Variants in UTRN observed in about 807,000 individuals in gnomAD.
UTRN encodes the protein dystrophin-related protein 1.
UTRN carries 283 observed loss-of-function variants against 463.9 expected under a neutral mutation model. The ratio of observed to expected loss-of-function variants is 0.61; its 90% CI spans 0.55 to 0.67. The LOEUF (loss-of-function observed/expected upper bound fraction) is 0.67. Among genes scored for constraint, UTRN ranks in the 30% least tolerant of loss-of-function variants. The pLI, the probability that UTRN is intolerant of heterozygous loss-of-function variation, is 0.00. For missense variants in UTRN, 3,922 were observed against 4,084.3 expected, an observed-to-expected ratio of 0.96 and a Z score of 1.08; for synonymous variants, 1,442 against 1,431.5, an observed-to-expected ratio of 1.01 and a Z score of -0.17.
intron 3 of UTRN, among the ~76,000 whole-genome samples, chr6:144,412,762 T>TACACACACACACACAC (rs149751810): frequency 6.9e-5 from 10 of 144,362 alleles, no homozygotes; most frequent in African/African-American, 2.3e-4. Flanking sequence ...ACACACACCA[T>TACACACACACACACAC]ACACACACAC....
chr6:144,773,796 C>G (rs992364580), intron 59 of UTRN, among the ~76,000 whole-genome samples: 3 of 152,208 alleles, frequency 2.0e-5, no homozygotes, highest in African/African-American at 7.2e-5. Context: ...ATACCTGTCA[C>G]AGGAGAATCT....
intron 11 of UTRN, among the ~76,000 whole-genome samples, chr6:144,438,038 G>A (rs530424358): frequency 5.3e-5 from 8 of 152,322 alleles, no homozygotes; most frequent in African/African-American, 1.9e-4. Flanking sequence ...GGCCAACGCG[G>A]ATGGATCACT....
intron 19 of UTRN, 108 bp downstream of exon 19, chr6:144,453,977 C>A: frequency 2.4e-6 from 2 of 844,082 alleles, no homozygotes; most frequent in Non-Finnish European, 1.8e-6. Flanking sequence ...CCTCTTTTGG[C>A]TAGATAAATG....
chr6:144,811,394 C>T (rs530536078), intron 65 of UTRN, among the ~76,000 whole-genome samples: 3 of 152,252 alleles, frequency 2.0e-5, no homozygotes, highest in South Asian at 2.1e-4. Flanking sequence ...CGCAGCATCA[C>T]GGCTGTTTCT....
rs1232597166 is a variant in UTRN at position 144,352,949 on chromosome 6, CT to C, written c.80-50167del. ...ATTTATGTTTCTTCTTCTTCTTTTT[CT>C]TTTTTTCTTTGAGACAGGGTCTTGC... On this transcript the variant is annotated intron_variant, in intron 2 of 74. Transcript: ENST00000367545. Among the ~76,000 whole-genome samples, 8 of 151,816 alleles carry C rather than the reference CT, an allele frequency of 5.3e-5. No homozygotes were observed. The East Asian group carries it at 1.2e-3, about 22-fold the overall frequency.
intron 2 of UTRN, among the ~76,000 whole-genome samples, chr6:144,351,203 A>T (rs899295066): frequency 3.3e-5 from 5 of 152,188 alleles, no homozygotes; most frequent in African/African-American, 1.2e-4. Flanking sequence ...TTTGAACATA[A>T]CTTGACAGAT....
At chr6:144,615,738 T>C (rs1159669203) in intron 51 of UTRN, among the ~76,000 whole-genome samples, 3 of 152,174 alleles carry the variant, frequency 2.0e-5, no homozygotes, top group African/African-American at 7.2e-5. Context: ...AGTAGCCATC[T>C]AAGTGTTGTT....
intron 54 of UTRN, among the ~76,000 whole-genome samples, chr6:144,742,325 G>A (rs768550859): frequency 2.0e-5 from 3 of 152,182 alleles, no homozygotes; most frequent in African/African-American, 7.2e-5. Flanking sequence ...GTTGTCATCA[G>A]TTATTGTACA....
chr6:144,758,778 G>A (rs748041561), intron 58 of UTRN, among the ~76,000 whole-genome samples: 27 of 152,074 alleles, frequency 1.8e-4, no homozygotes, highest in Non-Finnish European at 3.7e-4. Flanking sequence ...CTAGTGATGA[G>A]TCATAGTTGA....
chr6:144,617,057 C>T lies in UTRN; in HGVS notation c.7479+39769C>T, dbSNP rs928724141. On this transcript the variant is annotated intron_variant, in intron 51 of 74. Transcript: ENST00000367545. ...TTCAAGCAGAACTTGTGCCATAATA[C>T]TGTTATACTGTAGTTGGTTACATTC... is the stretch of plus-strand genomic sequence containing the variant. Among the ~76,000 whole-genome samples the T allele has an allele frequency of 2.6e-5, 4 of 152,224 alleles. 1 individual carries two copies. In the South Asian group the frequency reaches 8.3e-4, roughly 32 times the overall value.
At chr6:144,717,627 C>CTTTTTTTTTTTTTTTTT (rs1333769413) in intron 53 of UTRN, among the ~76,000 whole-genome samples, 22 of 112,676 alleles carry the variant, frequency 2.0e-4, no homozygotes, top group African/African-American at 7.0e-4. Context: ...TTTTTCTTTT[C>CTTTTTTTTTTTTTTTTT]TTTTTTCTTT....
At chr6:144,301,086 G>T (rs971278315) in intron 2 of UTRN, among the ~76,000 whole-genome samples, 2 of 151,964 alleles carry the variant, frequency 1.3e-5, no homozygotes, top group African/African-American at 4.8e-5. Flanking sequence ...ATAAAACTGT[G>T]TGTGTTCTAG....
chr6:144,406,986 C>A (rs1295912403), intron 3 of UTRN, among the ~76,000 whole-genome samples: 1 of 151,916 alleles, frequency 6.6e-6, no homozygotes, highest in Non-Finnish European at 1.5e-5. Flanking sequence ...AGTCCTTTCT[C>A]TATCTCTTCC....
rs771798970 is a variant in UTRN, at chr6:144,422,017, A to G, written c.234+47A>G. 4 of 1,512,680 alleles carry G rather than the reference A, an allele frequency of 2.6e-6. No homozygotes were observed. The East Asian group carries it at 9.3e-5, about 35-fold the overall frequency. 93.7% of individuals were successfully genotyped at this position (1,512,680 alleles called of 1,614,324 possible). ...ACAACGGAGTCTCCGGTCATTGCTG[A>G]TACTTGATGACCCAGTGTGGGTACC... On this transcript the variant is annotated intron_variant, in intron 4 of 74. Transcript: ENST00000367545.
At chr6:144,461,758 C>T (rs960393229) in intron 22 of UTRN, among the ~76,000 whole-genome samples, 2 of 152,164 alleles carry the variant, frequency 1.3e-5, no homozygotes, top group African/African-American at 4.8e-5. Flanking sequence ...GAGCACTGCA[C>T]ACTTGGCCCA....
At chr6:144,724,678 G>C (rs942006735) in intron 53 of UTRN, among the ~76,000 whole-genome samples, 1 of 152,082 alleles carries the variant, frequency 6.6e-6, no homozygotes, top group Non-Finnish European at 1.5e-5. Context: ...CATGGTAATG[G>C]AATCTTACAC....
chr6:144,325,821 T>G (rs1775940890), intron 2 of UTRN, among the ~76,000 whole-genome samples: 1 of 152,046 alleles, frequency 6.6e-6, no homozygotes, highest in African/African-American at 2.4e-5. Flanking sequence ...GAATGTGGCC[T>G]GTATCCTCAG....
rs144492232 is a variant in UTRN at position 144,517,675 on chromosome 6, T to G, written c.5541+727T>G. Among the ~76,000 whole-genome samples, 553 of 152,304 alleles carry G rather than the reference T, an allele frequency of 3.6e-3. 2 individuals are homozygous for G. The highest frequency in any genetic ancestry group is 0.013 in the African/African-American group (536 of 41,564). On this transcript the variant is annotated intron_variant, in intron 39 of 74. Transcript: ENST00000367545. ...GTACCTTTTCTATGTTTAGATATGT[T>G]TAGATACATAAATACTTCCAACTGT... is the stretch of plus-strand genomic sequence containing the variant.
At chr6:144,786,812 A>C (rs1221681877) in intron 61 of UTRN, among the ~76,000 whole-genome samples, 1 of 152,172 alleles carries the variant, frequency 6.6e-6, no homozygotes, top group African/African-American at 2.4e-5. Flanking sequence ...TTTGATTTCC[A>C]TACATAAAGG....
Sources: allele counts gnomAD v4.1 joint callset (sites outside exome capture counted in the v4.1 genomes callset), GRCh38; gene constraint gnomAD v4.1.1; transcripts MANE v1.5; gene names NCBI Gene and HGNC (gene_info 2026-07-23, HGNC 2026-07-21).